The following TMEM132D variants were observed in gnomAD, a reference collection of about 807,000 sequenced individuals.
TMEM132D encodes mature OL transmembrane protein.
TMEM132D carries 21 observed loss-of-function variants against 62.3 expected under a neutral mutation model. The observed-to-expected ratio is 0.34, with a 90% CI of 0.24 to 0.49. TMEM132D has a LOEUF of 0.49. Among genes scored for constraint, TMEM132D ranks in the 20% least tolerant of loss-of-function variants. The probability of loss-of-function intolerance (pLI) is 0.99; values close to 1 mark genes in which losing one functional copy is unlikely to be tolerated. For missense variants in TMEM132D, 1,346 were observed against 1,402.8 expected, an observed-to-expected ratio of 0.96 and a Z score of 0.65; for synonymous variants, 621 against 575.6, an observed-to-expected ratio of 1.08 and a Z score of -1.13.
intron 4 of TMEM132D, among the ~76,000 whole-genome samples, chr12:129,304,109 G>A (rs145718794): frequency 3.7e-4 from 57 of 152,296 alleles, no homozygotes; most frequent in African/African-American, 1.2e-3. Context: ...ATGTCTTACC[G>A]ACTATCTGGC....
At chr12:129,253,467 G>C (rs1281218212) in intron 4 of TMEM132D, among the ~76,000 whole-genome samples, 2 of 152,132 alleles carry the variant, frequency 1.3e-5, no homozygotes, top group Non-Finnish European at 2.9e-5. Flanking sequence ...TTAATTTCCA[G>C]CCAACCCATA....
At chr12:129,545,779 T>C (rs929485926) in intron 2 of TMEM132D, among the ~76,000 whole-genome samples, 6 of 152,218 alleles carry the variant, frequency 3.9e-5, no homozygotes, top group African/African-American at 1.4e-4. Flanking sequence ...CAAGTTCCCA[T>C]CTTACAGTGA....
Position 129,831,471 on chromosome 12 carries a change from G to A in TMEM132D, c.79+71790C>T, listed in dbSNP as rs116522677. The stretch of plus-strand genomic sequence containing the variant: ...GGGTTTGAGAGGCGCTCTGAGGCCC[G>A]ACAGCTTCTGATCCCGGATGGGGAT... On this transcript the variant is annotated intron_variant, in intron 1 of 8. Transcript: ENST00000422113. Among the ~76,000 whole-genome samples the A allele has an allele frequency of 5.6e-3, 848 of 152,312 alleles. 8 individuals carry two copies. The highest frequency in any genetic ancestry group is 0.019 in the African/African-American group (782 of 41,556).
chr12:129,786,098 A>G (rs1363265892), intron 1 of TMEM132D, among the ~76,000 whole-genome samples: 1 of 152,128 alleles, frequency 6.6e-6, no homozygotes, highest in African/African-American at 2.4e-5. Flanking sequence ...CTCTCAGCTC[A>G]GCATCCTTCC....
intron 3 of TMEM132D, among the ~76,000 whole-genome samples, chr12:129,412,760 G>A (rs1377690960): frequency 6.6e-6 from 1 of 152,184 alleles, no homozygotes; most frequent in Admixed American, 6.5e-5. Context: ...GGCTGAGGCA[G>A]GAGAATCACT....
At chr12:129,724,147 G>T (rs1166244650) in intron 1 of TMEM132D, among the ~76,000 whole-genome samples, 5 of 152,172 alleles carry the variant, frequency 3.3e-5, no homozygotes. Flanking sequence ...AGACAGCGGG[G>T]GCTTCATCAG....
chr12:129,737,106 G>A (rs1433897093), intron 1 of TMEM132D, among the ~76,000 whole-genome samples: 3 of 152,056 alleles, frequency 2.0e-5, no homozygotes, highest in African/African-American at 7.2e-5. Context: ...ATGAGCCACC[G>A]CACCCAGCCA....
intron 1 of TMEM132D, among the ~76,000 whole-genome samples, chr12:129,757,029 GCAGATACTTGGGGGTTACAAACAAA>G (rs754480172): frequency 2.0e-5 from 3 of 152,106 alleles, no homozygotes; most frequent in Non-Finnish European, 2.9e-5. Context: ...TCCTGTCATG[GCAGATACTTGGGGGTTACAAACAAA>G]CAGAAAGGGA....
At chr12:129,875,599 G>A (rs1418940947) in intron 1 of TMEM132D, among the ~76,000 whole-genome samples, 1 of 152,156 alleles carries the variant, frequency 6.6e-6, no homozygotes, top group Non-Finnish European at 1.5e-5. Flanking sequence ...CAGCAGGCAT[G>A]GCGGGGAAGA....
intron 3 of TMEM132D, among the ~76,000 whole-genome samples, chr12:129,394,060 T>C (rs983708740): frequency 6.6e-6 from 1 of 152,162 alleles, no homozygotes; most frequent in Non-Finnish European, 1.5e-5. Context: ...CAAGGCAAAA[T>C]TAGAAACGGA....
intron 5 of TMEM132D, chr12:129,111,645 C>T (rs1230791133): frequency 1.3e-5 from 2 of 152,150 alleles, no homozygotes; most frequent in Non-Finnish European, 2.9e-5. Context: ...TTCTGAATGG[C>T]TCAGTTTTGA....
intron 3 of TMEM132D, among the ~76,000 whole-genome samples, chr12:129,367,772 CTTTTCT>C (rs200795094): frequency 0.024 from 2,846 of 120,022 alleles, 69 homozygotes; most frequent in African/African-American, 0.088. Context: ...TTTTCCATTT[CTTTTCT>C]TTTTTTTTTT....
intron 5 of TMEM132D, among the ~76,000 whole-genome samples, chr12:129,123,791 T>TTC (rs149062699): frequency 4.0e-5 from 6 of 151,638 alleles, no homozygotes; most frequent in East Asian, 1.9e-4. Flanking sequence ...GAGGAAAAGC[T>TTC]TCTCTCTCTC....
rs144795482 is a variant in TMEM132D at position 129,377,092 on chromosome 12, A to C, written c.1116-39275T>G. ...CTCTTTAAACATTGTATTGTGTCTC[A>C]GTTTACCTTTTTAACAAGTCCTGAC... On this transcript the variant is annotated intron_variant, in intron 3 of 8. Transcript: ENST00000422113. Among the ~76,000 whole-genome samples, 899 of 152,286 alleles carry C rather than the reference A, an allele frequency of 5.9e-3. 13 individuals are homozygous for C. The highest frequency in any genetic ancestry group is 0.02 in the African/African-American group (850 of 41,564).
At chr12:129,149,564 T>C (rs1877014190) in intron 5 of TMEM132D, among the ~76,000 whole-genome samples, 1 of 152,174 alleles carries the variant, frequency 6.6e-6, no homozygotes, top group South Asian at 2.1e-4. Context: ...ATTCTGTCCG[T>C]CTCCAGTGTG....
intron 1 of TMEM132D, among the ~76,000 whole-genome samples, chr12:129,890,633 G>C (rs988765401): frequency 6.6e-6 from 1 of 152,188 alleles, no homozygotes; most frequent in Non-Finnish European, 1.5e-5. Context: ...AAAAATGTCA[G>C]TCCTTCCTCA....
chr12:129,810,768 T>C (rs1872149148), intron 1 of TMEM132D, among the ~76,000 whole-genome samples: 1 of 152,178 alleles, frequency 6.6e-6, no homozygotes, highest in African/African-American at 2.4e-5. Flanking sequence ...AACGCGTTAA[T>C]AGGTTGAAGA....
At chr12:129,556,934 T>C (rs1877079740) in intron 2 of TMEM132D, among the ~76,000 whole-genome samples, 1 of 152,236 alleles carries the variant, frequency 6.6e-6, no homozygotes, top group Non-Finnish European at 1.5e-5. Flanking sequence ...AAAGTTGACA[T>C]TTAAAATTTT....
chr12:129,250,121 C>G (rs1035570265), intron 4 of TMEM132D, among the ~76,000 whole-genome samples: 1 of 152,106 alleles, frequency 6.6e-6, no homozygotes, highest in Non-Finnish European at 1.5e-5. Flanking sequence ...GCAATGGAGA[C>G]GTCAAGGGAA....
Sources: gnomAD v4.1 joint callset for allele counts (sites outside exome capture counted in the v4.1 genomes callset) on GRCh38, gnomAD v4.1.1 for gene constraint, MANE v1.5 for transcripts, NCBI Gene and HGNC (gene_info 2026-07-23, HGNC 2026-07-21) for gene names.